The following NR1H4 variants were observed in gnomAD, a reference collection of about 807,000 sequenced individuals.
NR1H4 encodes nuclear receptor subfamily 1 group H member 4.
Under a neutral mutation model 58.5 loss-of-function variants are expected in NR1H4, and 23 were observed. The observed-to-expected ratio is 0.39, with a 90% CI of 0.28 to 0.56. NR1H4 has a LOEUF of 0.56. Among genes scored for constraint, NR1H4 ranks in the 20% least tolerant of loss-of-function variants. The pLI is 0.58. For synonymous variants in NR1H4, 214 were observed against 198.0 expected (o/e 1.08, Z -0.68); for missense variants, 487 against 576.9 (o/e 0.84, Z 1.60).
Position 100,511,089 on chromosome 12 carries a change from G to A in NR1H4, c.391G>A (p.Gly131Arg). The A allele has an allele frequency of 6.2e-7, 1 of 1,614,244 alleles. No individual in the cohort carries two copies. The highest frequency in any genetic ancestry group is 1.1e-5 in the South Asian group (1 of 91,084). ...IKGDELCVVC[G>R]DRASGYHYNA... ...AGGGGATGAGCTGTGTGTTGTTTGT[G>A]GAGACAGAGCCTCTGGATACCACTA... Residue 131 changes from glycine to arginine, a missense_variant, in exon 4 of 11, where the codon GGA (glycine) becomes AGA (arginine). By Grantham distance (125) the Gly-to-Arg change is moderately radical. Transcript: ENST00000392986.
chr12:100,482,854 G>A (rs3789988), intron 1 of NR1H4, among the ~76,000 whole-genome samples: 8,580 of 152,156 alleles, frequency 0.056, 442 homozygotes, highest in East Asian at 0.17. Flanking sequence ...TGTTGTTTAG[G>A]CACCATTGTG....
intron 8 of NR1H4, among the ~76,000 whole-genome samples, chr12:100,539,659 T>C (rs1435189100): frequency 3.3e-5 from 5 of 152,228 alleles, no homozygotes; most frequent in African/African-American, 1.2e-4. Flanking sequence ...CAAATAATTC[T>C]TAGGTACCTA....
chr12:100,527,602 T>G (rs1593097501), intron 4 of NR1H4, among the ~76,000 whole-genome samples: 2 of 152,338 alleles, frequency 1.3e-5, no homozygotes, highest in East Asian at 3.9e-4. Flanking sequence ...TACCATTTGC[T>G]CTCTGCAGGA....
chr12:100,534,042 G>A (rs1036498780), intron 5 of NR1H4, among the ~76,000 whole-genome samples: 5 of 151,870 alleles, frequency 3.3e-5, no homozygotes, highest in East Asian at 3.9e-4. Flanking sequence ...GACTACAGGC[G>A]CCCGCCACTG....
At chr12:100,489,115 A>G (rs762667110) in intron 1 of NR1H4, among the ~76,000 whole-genome samples, 6 of 152,238 alleles carry the variant, frequency 3.9e-5, no homozygotes, top group African/African-American at 7.2e-5. Flanking sequence ...AATAATGTAT[A>G]TGGAAACTCT....
intron 2 of NR1H4, among the ~76,000 whole-genome samples, 185 bp downstream of exon 2, chr12:100,492,822 C>G (rs770409026): frequency 6.6e-6 from 1 of 152,066 alleles, no homozygotes; most frequent in Non-Finnish European, 1.5e-5. Flanking sequence ...AAAAAAAATT[C>G]CAGTAGGAAG....
chr12:100,563,135 C>T (rs1955512172), intron 10 of NR1H4, 116 bp from the exon 11 acceptor site: 2 of 822,554 alleles, frequency 2.4e-6, no homozygotes, highest in African/African-American at 1.7e-5. Context: ...TTAATTTTCA[C>T]ATTTTGTGTA....
chr12:100,560,284 G>A (rs538668376), intron 9 of NR1H4, among the ~76,000 whole-genome samples: 8 of 152,300 alleles, frequency 5.3e-5, no homozygotes, highest in South Asian at 2.1e-4. Context: ...GCCCGAGCCC[G>A]CATTGGCAAC....
intron 3 of NR1H4, chr12:100,505,695 CA>C: frequency 1.5e-6 from 1 of 648,506 alleles, no homozygotes; most frequent in Non-Finnish European, 2.8e-6. Context: ...AGGCTAATTC[CA>C]AAATAAAGAT....
At chr12:100,555,098 C>T (rs1955292829) in intron 9 of NR1H4, among the ~76,000 whole-genome samples, 1 of 152,118 alleles carries the variant, frequency 6.6e-6, no homozygotes, top group South Asian at 2.1e-4. Context: ...CTAATGGAGG[C>T]AACATCTCTG....
intron 8 of NR1H4, among the ~76,000 whole-genome samples, chr12:100,537,496 G>A (rs1017246974): frequency 1.3e-5 from 2 of 152,160 alleles, no homozygotes; most frequent in Non-Finnish European, 2.9e-5. Context: ...CAGGGAGAGT[G>A]ATCAAAGGTG....
intron 1 of NR1H4, among the ~76,000 whole-genome samples, chr12:100,480,572 A>T (rs1953357393): frequency 6.6e-6 from 1 of 152,136 alleles, no homozygotes; most frequent in Non-Finnish European, 1.5e-5. Context: ...TCCAGTTTCC[A>T]CTAACCAGTC....
intron 3 of NR1H4, among the ~76,000 whole-genome samples, chr12:100,503,207 C>T (rs1339089312): frequency 6.6e-6 from 1 of 152,136 alleles, no homozygotes; most frequent in Non-Finnish European, 1.5e-5. Flanking sequence ...AAGTACTCCC[C>T]CAAAATGTTT....
intron 4 of NR1H4, among the ~76,000 whole-genome samples, chr12:100,523,587 T>A (rs998560822): frequency 6.6e-6 from 1 of 152,172 alleles, no homozygotes; most frequent in African/African-American, 2.4e-5. Flanking sequence ...ATTTGTTTGT[T>A]TTTGTTGCAT....
rs34480475 is a variant in NR1H4 at position 100,510,607 on chromosome 12, T to TTATATATATATATATA, written c.80-158_80-143dup. On this transcript the variant is annotated intron_variant, in intron 3 of 10. Transcript: ENST00000392986. Reference sequence around the variant, plus strand: ...TGAATTTTTAATTTGTCATTTAATTTTATATATATATATATATATATATAT... The same window carrying TTATATATATATATATA: ...TGAATTTTTAATTTGTCATTTAATTTTATATATATATATATATATATATATATATATATATATATAT... 7.6e-3 allele frequency among the ~76,000 whole-genome samples: 1,009 copies of TTATATATATATATATA among 133,462 alleles called. 14 individuals are homozygous for TTATATATATATATATA. Among genetic ancestry groups the TTATATATATATATATA allele is most frequent in the African/African-American group, 0.021 (744 of 35,622 alleles). 87.6% of individuals were successfully genotyped at this position (133,462 alleles called of 152,430 possible). A position where few individuals can be genotyped will look rare whatever the true frequency, so the allele number is the denominator to read the frequency against.
intron 3 of NR1H4, among the ~76,000 whole-genome samples, chr12:100,496,509 G>A (rs1410409082): frequency 1.3e-5 from 2 of 152,144 alleles, no homozygotes; most frequent in African/African-American, 4.8e-5. Flanking sequence ...TTATTTAGGG[G>A]TGGACAACTG....
At chr12:100,534,832 CCA>C (rs1954777381) in intron 5 of NR1H4, 56 bp from the exon 6 acceptor site, 1 of 1,606,114 alleles carries the variant, frequency 6.2e-7, no homozygotes, top group African/African-American at 1.3e-5. Context: ...GGTTTTATGA[CCA>C]CACACCCAAC....
intron 1 of NR1H4, among the ~76,000 whole-genome samples, chr12:100,486,864 A>G (rs976344446): frequency 6.6e-6 from 1 of 152,164 alleles, no homozygotes; most frequent in Non-Finnish European, 1.5e-5. Flanking sequence ...AATAAAAGTA[A>G]CCTTTAAAAA....
intron 9 of NR1H4, among the ~76,000 whole-genome samples, chr12:100,551,512 A>T (rs1035109816): frequency 3.3e-5 from 5 of 152,224 alleles, no homozygotes; most frequent in Non-Finnish European, 7.3e-5. Flanking sequence ...AAATTTAGAA[A>T]TCTTAACACC....
Sources: gnomAD v4.1 joint callset for allele counts (sites outside exome capture counted in the v4.1 genomes callset) on GRCh38, gnomAD v4.1.1 for gene constraint, MANE v1.5 for transcripts, NCBI Gene and HGNC (gene_info 2026-07-23, HGNC 2026-07-21) for gene names.